CCL24: variants seen among roughly 807,000 people sequenced by gnomAD.
CCL24 encodes the protein C-C motif chemokine ligand 24.
CCL24 carries 6 observed loss-of-function variants against 8.6 expected under a neutral mutation model. The observed-to-expected ratio is 0.70, with a 90% CI of 0.38 to 1.38. CCL24 has a LOEUF of 1.38. CCL24 is among the 40% of genes most tolerant of loss of function. The pLI, the probability that CCL24 is intolerant of heterozygous loss-of-function variation, is 0.02. For missense variants in CCL24, 126 were observed against 147.1 expected (o/e 0.86, Z 0.74); for synonymous variants, 59 against 52.7 (o/e 1.12, Z -0.52).
intron 2 of CCL24, among the ~76,000 whole-genome samples, chr7:75,812,498 T>C (rs1303779965): frequency 6.6e-6 from 1 of 152,192 alleles, no homozygotes; most frequent in Non-Finnish European, 1.5e-5. Flanking sequence ...CTTGAGCAAG[T>C]TACCTTCCTG....
In CCL24 at chr7:75,811,775, G is replaced by C. The variant is rs1554533454; in HGVS notation, c.*21C>G. On this transcript the variant is annotated 3_prime_UTR_variant, in exon 3 of 3. Coordinates refer to ENST00000222902, the MANE Select transcript of CCL24 (RefSeq NM_002991.3). ...CCAAGCAGCTCAGGCCCAAACTCAG[G>C]GCTGGAGGGCTGGGCGGGGATTAGC... is the stretch of plus-strand genomic sequence containing the variant. The C allele has an allele frequency of 1.9e-6, 3 of 1,607,744 alleles. No individual in the cohort carries two copies. Among genetic ancestry groups the C allele is most frequent in the Non-Finnish European group, 2.6e-6 (3 of 1,176,464 alleles).
In CCL24 at chr7:75,813,468, C is replaced by T. The variant is rs782325019; in HGVS notation, c.74-45G>A. On this transcript the variant is annotated intron_variant, in intron 1 of 2. Coordinates refer to ENST00000222902, the MANE Select transcript of CCL24 (RefSeq NM_002991.3). ...AGAGCCACGTCTTTTCCCAGCCTCC[C>T]CTTGGCTCTGGGCCTCAGAGCTGGA... The T allele has an allele frequency of 6.2e-6, 9 of 1,456,056 alleles. 1 individual carries two copies. In the South Asian group the frequency reaches 8.0e-5, roughly 13 times the overall value. 90.2% of individuals were successfully genotyped at this position (1,456,056 alleles called of 1,614,324 possible). A position where few individuals can be genotyped will look rare whatever the true frequency, so the allele number is the denominator to read the frequency against.
chr7:75,823,117 G>T (rs1474269201), intron 1 of CCL24, among the ~76,000 whole-genome samples: 1 of 152,156 alleles, frequency 6.6e-6, no homozygotes, highest in African/African-American at 2.4e-5. Context: ...CCTCCTAAAG[G>T]AAGCGGGTAG....
chr7:75,823,002 G>A (rs949903780), intron 1 of CCL24, among the ~76,000 whole-genome samples: 7 of 152,102 alleles, frequency 4.6e-5, no homozygotes, highest in African/African-American at 7.2e-5. Flanking sequence ...CCACCACACC[G>A]AGTTCACTTT....
chr7:75,816,592 C>T (rs1803895280), upstream of CCL24, among the ~76,000 whole-genome samples: 1 of 150,432 alleles, frequency 6.6e-6, no homozygotes, highest in African/African-American at 2.5e-5. Flanking sequence ...TACGGAGTCT[C>T]TCTCTGTCGC....
intron 1 of CCL24, among the ~76,000 whole-genome samples, chr7:75,820,036 T>A (rs1479638497): frequency 7.4e-6 from 1 of 135,536 alleles, no homozygotes; most frequent in African/African-American, 2.7e-5. Context: ...TTCTTCTTCT[T>A]CTTCTTCTTC....
At position 75,811,737 on chromosome 7, in the gene CCL24, C is replaced by G. The variant is rs1803765302; in HGVS notation, c.*59G>C. ...CCCCATCACTGTGGCTTCTCCAGGC[C>G]CCGAGTAGCCCGCCAAGCAGCTCAG... On this transcript the variant is annotated 3_prime_UTR_variant, in exon 3 of 3. Coordinates refer to ENST00000222902, the MANE Select transcript of CCL24 (RefSeq NM_002991.3). The G allele has an allele frequency of 1.1e-5, 16 of 1,501,658 alleles. No individual in the cohort carries two copies. Among genetic ancestry groups the G allele is most frequent in the Non-Finnish European group, 1.4e-5 (16 of 1,107,658 alleles). The allele number at this position is 1,501,658 out of a possible 1,614,324, so 93.0% of individuals were successfully genotyped here.
chr7:75,820,085 CTTCCTCT>C (rs1804003623), intron 1 of CCL24, among the ~76,000 whole-genome samples: 3 of 138,688 alleles, frequency 2.2e-5, no homozygotes, highest in Non-Finnish European at 4.7e-5. Flanking sequence ...TCTTCTTCTT[CTTCCTCT>C]TCTTCTTCTT....
At position 75,813,734 on chromosome 7, in the gene CCL24, A is replaced by G; in HGVS notation, c.-19T>C. On this transcript the variant is annotated 5_prime_UTR_variant, in exon 1 of 3. Transcript: ENST00000222902. ...CTGCCATGTCTCAGAGAGCAGAAGC[A>G]CCAGCTCGGGGCTCAAAGCTGACGT... 1 of 1,609,976 alleles carries G rather than the reference A, an allele frequency of 6.2e-7. No individual in the cohort carries two copies. The highest frequency in any genetic ancestry group is 8.5e-7 in the Non-Finnish European group (1 of 1,176,318).
chr7:75,813,358 C>A lies in CCL24; in HGVS notation c.139G>T (p.Val47Leu). Residue 47 changes from valine (V) to leucine (L), a missense_variant, in exon 2 of 3, where the codon GTG (valine) becomes TTG (leucine). Coordinates refer to ENST00000222902, the MANE Select transcript of CCL24 (RefSeq NM_002991.3). Reference sequence around the variant, plus strand: ...CTGCTGGACAGCTGGTAGCTGACCACTCGGTTCTCAGGAATTCTCTTGGAA... The same window carrying A: ...CTGCTGGACAGCTGGTAGCTGACCAATCGGTTCTCAGGAATTCTCTTGGAA... The part of the protein sequence containing the change: ...FVSKRIPENR[V>L]VSYQLSSRST... 6.2e-7 allele frequency: 1 copy of A among 1,613,852 alleles called. No homozygotes were observed. Among genetic ancestry groups the A allele is most frequent in the Non-Finnish European group, 8.5e-7 (1 of 1,179,928 alleles).
intron 1 of CCL24, among the ~76,000 whole-genome samples, chr7:75,820,962 T>C (rs1804038808): frequency 6.6e-6 from 1 of 151,864 alleles, no homozygotes; most frequent in Admixed American, 6.6e-5. Flanking sequence ...CATCCATCCA[T>C]CCCTCATCGA....
intron 1 of CCL24, among the ~76,000 whole-genome samples, chr7:75,819,291 AAAAAAAAAAAAAATATATATATATAT>A (rs1563353396): frequency 4.0e-4 from 8 of 20,074 alleles, no homozygotes; most frequent in Non-Finnish European, 6.8e-4. Flanking sequence ...AAAAAAAAAA[AAAAAAAAAAAAAATATATATATATAT>A]ATATATATAT....
At chr7:75,817,832 G>T (rs531191013), upstream of CCL24, among the ~76,000 whole-genome samples, 97 of 150,182 alleles carry the variant, frequency 6.5e-4, no homozygotes, top group Non-Finnish European at 1.0e-3. Context: ...TGCTGTTGTT[G>T]TTGTTTGTTT....
intron 1 of CCL24, among the ~76,000 whole-genome samples, chr7:75,822,566 ACT>A (rs1187464305): frequency 2.6e-5 from 4 of 152,034 alleles, no homozygotes; most frequent in Non-Finnish European, 2.9e-5. Context: ...GGGCATGGTG[ACT>A]CACGCCTGTG....
chr7:75,819,301 AAAATATATATATATATATATATATAT>A (rs1803972600), intron 1 of CCL24, among the ~76,000 whole-genome samples: 1 of 8,266 alleles, frequency 1.2e-4, no homozygotes, highest in African/African-American at 3.7e-4. Context: ...AAAAAAAAAA[AAAATATATATATATATATATATATAT>A]ATATATATAT....
chr7:75,812,728 G>A (rs1440822466), intron 2 of CCL24, among the ~76,000 whole-genome samples: 2 of 152,044 alleles, frequency 1.3e-5, no homozygotes, highest in Admixed American at 6.6e-5. Context: ...TCAGAAGTTC[G>A]AGACCAGCCT....
At chr7:75,811,986 G>T (rs1803774485) in intron 2 of CCL24, 22 bp from the exon 3 acceptor site, 1 of 1,606,210 alleles carries the variant, frequency 6.2e-7, no homozygotes. Context: ...AGGGACAGGG[G>T]ATCAGCTGAG....
intron 2 of CCL24, 42 bp downstream of exon 2, chr7:75,813,264 C>T: frequency 2.4e-6 from 3 of 1,236,394 alleles, no homozygotes; most frequent in South Asian, 2.4e-5. Context: ...GTTGCACCTG[C>T]CCCCACCCCT....
intron 1 of CCL24, among the ~76,000 whole-genome samples, chr7:75,822,486 T>C (rs1804070622): frequency 1.3e-5 from 2 of 152,144 alleles, no homozygotes; most frequent in South Asian, 4.1e-4. Flanking sequence ...AAGCCCTACA[T>C]GGCTCCTCTG....
Sources: gnomAD v4.1 joint callset for allele counts (sites outside exome capture counted in the v4.1 genomes callset) on GRCh38, gnomAD v4.1.1 for gene constraint, MANE v1.5 for transcripts, NCBI Gene and HGNC (gene_info 2026-07-23, HGNC 2026-07-21) for gene names.